The following CNTNAP5 variants were observed in gnomAD, a reference collection of about 807,000 sequenced individuals.
CNTNAP5 encodes the protein contactin-associated protein-like 5.
A neutral mutation model predicts 150.2 loss-of-function variants in CNTNAP5; 72 were observed. The ratio of observed to expected loss-of-function variants is 0.48; its 90% CI spans 0.40 to 0.58. CNTNAP5 has a LOEUF of 0.58. Ranked by LOEUF, CNTNAP5 falls within the 20% of genes least tolerant of loss-of-function variation. CNTNAP5 has a pLI of 0.00. For synonymous variants in CNTNAP5, 672 were observed against 619.8 expected (o/e 1.08, Z -1.25); for missense variants, 1,636 against 1,626.2 (o/e 1.01, Z -0.10).
Position 124,372,817 on chromosome 2 carries a change from T to C in CNTNAP5, c.382-44626T>C, listed in dbSNP as rs370389752. 9.9e-5 allele frequency among the ~76,000 whole-genome samples: 15 copies of C among 152,208 alleles called. No homozygotes were observed. The South Asian group carries it at 2.9e-3, about 29-fold the overall frequency. On this transcript the variant is annotated intron_variant, in intron 3 of 23. Transcript: ENST00000682447. ...TGGTACATGTACCAAGAATTAATAA[T>C]GCAACACCCATTAACACAGGACGAA...
chr2:124,384,410 G>GT (rs1012553260), intron 3 of CNTNAP5, among the ~76,000 whole-genome samples: 6 of 152,062 alleles, frequency 3.9e-5, no homozygotes, highest in African/African-American at 1.2e-4. Context: ...CTTTAGAGAG[G>GT]TTTTTTAAAA....
At chr2:124,138,297 A>C (rs1255128647) in intron 1 of CNTNAP5, among the ~76,000 whole-genome samples, 1 of 152,206 alleles carries the variant, frequency 6.6e-6, no homozygotes, top group African/African-American at 2.4e-5. Flanking sequence ...GGGCAGGCAT[A>C]AGCCAAAGTC....
intron 10 of CNTNAP5, among the ~76,000 whole-genome samples, chr2:124,548,028 G>GT (rs1328998948): frequency 6.6e-6 from 1 of 152,082 alleles, no homozygotes; most frequent in Non-Finnish European, 1.5e-5. Context: ...TCCATCTGAG[G>GT]TTTTCATTAG....
intron 1 of CNTNAP5, among the ~76,000 whole-genome samples, chr2:124,195,365 C>T (rs184491962): frequency 1.3e-5 from 2 of 152,268 alleles, no homozygotes; most frequent in Admixed American, 1.3e-4. Context: ...ATGCAGTGAA[C>T]CCCCTTGCGC....
intron 1 of CNTNAP5, among the ~76,000 whole-genome samples, chr2:124,048,935 T>G (rs1442763670): frequency 6.6e-6 from 1 of 152,230 alleles, no homozygotes; most frequent in Non-Finnish European, 1.5e-5. Flanking sequence ...TTAGGTTACA[T>G]CAAATGCAAG....
At chr2:124,455,054 A>C (rs1693086205) in intron 6 of CNTNAP5, among the ~76,000 whole-genome samples, 1 of 152,164 alleles carries the variant, frequency 6.6e-6, no homozygotes, top group African/African-American at 2.4e-5. Context: ...TCAGAGCAGA[A>C]ATAAATGAAA....
chr2:124,282,466 G>A (rs1688037317), intron 3 of CNTNAP5, among the ~76,000 whole-genome samples: 1 of 152,168 alleles, frequency 6.6e-6, no homozygotes, highest in Admixed American at 6.5e-5. Context: ...AGTGTTCACA[G>A]CCAGTCTGTT....
At chr2:124,583,873 T>C (rs1169333067) in intron 11 of CNTNAP5, among the ~76,000 whole-genome samples, 1 of 152,172 alleles carries the variant, frequency 6.6e-6, no homozygotes, top group Admixed American at 6.5e-5. Context: ...TTTTCCAGAA[T>C]ACTCACATCA....
intron 3 of CNTNAP5, among the ~76,000 whole-genome samples, chr2:124,339,481 G>A (rs970746896): frequency 2.0e-5 from 3 of 152,092 alleles, no homozygotes; most frequent in African/African-American, 7.2e-5. Context: ...ATAATGATAT[G>A]GTAAACTGGG....
At chr2:124,223,756 C>G (rs995583790) in intron 2 of CNTNAP5, among the ~76,000 whole-genome samples, 15 of 151,464 alleles carry the variant, frequency 9.9e-5, no homozygotes, top group African/African-American at 3.4e-4. Context: ...TTTCGGCTCA[C>G]CGGGGAATTT....
intron 3 of CNTNAP5, among the ~76,000 whole-genome samples, chr2:124,411,068 A>T (rs1441777145): frequency 6.6e-6 from 1 of 152,224 alleles, no homozygotes; most frequent in East Asian, 1.9e-4. Context: ...ATCCCACAGA[A>T]ATACAAACTA....
At chr2:124,674,380 C>G (rs1298612764) in intron 13 of CNTNAP5, among the ~76,000 whole-genome samples, 2 of 142,086 alleles carry the variant, frequency 1.4e-5, no homozygotes, top group Non-Finnish European at 3.1e-5. Context: ...TCCTTCCCTC[C>G]CTCCTTTGTT....
chr2:124,894,445 A>C (rs990047622), intron 21 of CNTNAP5, among the ~76,000 whole-genome samples: 5 of 151,554 alleles, frequency 3.3e-5, no homozygotes, highest in Admixed American at 6.6e-5. Flanking sequence ...ACTCCACATC[A>C]AGTAAATAAT....
chr2:124,429,126 A>C (rs1419128586), intron 4 of CNTNAP5, among the ~76,000 whole-genome samples: 2 of 152,192 alleles, frequency 1.3e-5, no homozygotes, highest in Non-Finnish European at 2.9e-5. Flanking sequence ...AGCAGCATAT[A>C]ATAGTTTATC....
intron 19 of CNTNAP5, among the ~76,000 whole-genome samples, chr2:124,854,381 T>C (rs1407701492): frequency 1.3e-5 from 2 of 152,214 alleles, no homozygotes; most frequent in East Asian, 3.8e-4. Context: ...GTTTTACTTG[T>C]GGAGTTTTTA....
intron 19 of CNTNAP5, among the ~76,000 whole-genome samples, chr2:124,851,086 C>T (rs898531701): frequency 3.9e-5 from 6 of 152,224 alleles, no homozygotes; most frequent in Admixed American, 1.3e-4. Flanking sequence ...AGTTGCAGGC[C>T]GGGCGCAATG....
intron 4 of CNTNAP5, among the ~76,000 whole-genome samples, chr2:124,419,768 T>C (rs1028990425): frequency 6.6e-6 from 1 of 152,150 alleles, no homozygotes; most frequent in African/African-American, 2.4e-5. Context: ...TACTTTTTTT[T>C]ATTTGGGGGA....
chr2:124,535,750 G>A (rs888115000), intron 10 of CNTNAP5, among the ~76,000 whole-genome samples: 1 of 151,990 alleles, frequency 6.6e-6, no homozygotes, highest in Non-Finnish European at 1.5e-5. Flanking sequence ...GCACTCCAGA[G>A]TGCAGACAGA....
intron 3 of CNTNAP5, among the ~76,000 whole-genome samples, chr2:124,298,486 A>G (rs922524495): frequency 6.6e-6 from 1 of 152,196 alleles, no homozygotes; most frequent in Non-Finnish European, 1.5e-5. Flanking sequence ...TCATTCATCA[A>G]AAGTCATAAG....
Sources: allele counts gnomAD v4.1 joint callset (sites outside exome capture counted in the v4.1 genomes callset), GRCh38; gene constraint gnomAD v4.1.1; transcripts MANE v1.5; gene names NCBI Gene and HGNC (gene_info 2026-07-23, HGNC 2026-07-21).